RNASEH2B: variants seen among roughly 807,000 people sequenced by gnomAD.
RNASEH2B encodes the protein Aicardi-Goutieres syndrome 2 protein.
RNASEH2B carries 36 observed loss-of-function variants against 45.0 expected under a neutral mutation model. The ratio of observed to expected loss-of-function variants is 0.80; its 90% CI spans 0.61 to 1.06. The LOEUF is 1.06. Among genes scored for constraint, RNASEH2B ranks in the 50% least tolerant of loss-of-function variants. The pLI is 0.00. For synonymous variants in RNASEH2B, 119 were observed against 125.7 expected (o/e 0.95, Z 0.35); for missense variants, 361 against 360.3 (o/e 1.00, Z -0.02).
chr13:50,909,997 T>C lies in RNASEH2B; in HGVS notation c.-80T>C, dbSNP rs2137865677. The C allele has an allele frequency of 1.6e-6, 2 of 1,278,940 alleles. No homozygotes were observed. The highest frequency in any genetic ancestry group is 2.6e-5 in the Admixed American group (1 of 39,046). The allele number at this position is 1,278,940 out of a possible 1,614,324, so 79.2% of individuals were successfully genotyped here. ...GCGCCGCGCCACCCGGAACAGACCC[T>C]TCTCCCGCCATTTTCGGCGGGGCTG... On this transcript the variant is annotated 5_prime_UTR_variant, in exon 1 of 11. Transcript: ENST00000336617.
intron 5 of RNASEH2B, chr13:50,937,208 T>G (rs1396163009): frequency 7.0e-6 from 1 of 143,862 alleles, no homozygotes; most frequent in East Asian, 1.9e-4. Context: ...AGAAAAAGAT[T>G]TTTATTTTTA....
chr13:50,941,760 T>A (rs568985267), intron 5 of RNASEH2B: 4 of 152,220 alleles, frequency 2.6e-5, no homozygotes, highest in East Asian at 1.9e-4. Flanking sequence ...GCCCAGGTAG[T>A]CCTGGCTCCA....
At chr13:50,965,956 A>G (rs889253509) in intron 9 of RNASEH2B, among the ~76,000 whole-genome samples, 4 of 152,212 alleles carry the variant, frequency 2.6e-5, no homozygotes, top group African/African-American at 9.6e-5. Flanking sequence ...TTTAGCTACA[A>G]ATTATTTGGG....
At chr13:50,918,286 C>T (rs538004336) in intron 1 of RNASEH2B, among the ~76,000 whole-genome samples, 10 of 152,178 alleles carry the variant, frequency 6.6e-5, no homozygotes, top group Non-Finnish European at 1.5e-4. Flanking sequence ...TACAGGCACC[C>T]GCCACCATGC....
rs1220792885 is a variant in RNASEH2B at position 50,968,640 on chromosome 13, G to GA, written c.742-1285dup. ...AATTGCAAATTTTATTTTAAGAAAGGAAAAAAATCACATTTATTCTGCTGC... is the reference window on the plus strand; with the variant it reads ...AATTGCAAATTTTATTTTAAGAAAGGAAAAAAAATCACATTTATTCTGCTGC... On this transcript the variant is annotated intron_variant, in intron 9 of 9. Transcript: ENST00000422660. Among the ~76,000 whole-genome samples the GA allele has an allele frequency of 3.3e-5, 5 of 152,068 alleles. No individual in the cohort carries two copies. The East Asian group carries it at 5.8e-4, about 18-fold the overall frequency.
rs1452451283 is a variant in RNASEH2B at position 50,927,461 on chromosome 13, TG to T, written c.121del (p.Val41LeufsTer23). On this transcript the variant is annotated frameshift_variant, in exon 2 of 11. Transcript: ENST00000336617. LOFTEE classifies it high-confidence loss of function. ...AAAAATGGGCTAATGTTTGTAAAAC[TG>T]GTTAACCCCTGTTCAGGTAAGTTCT... ...KMKNGLMFVK[L>X]VNPCSGEGAI... The T allele has an allele frequency of 6.9e-6, 11 of 1,601,518 alleles. No individual in the cohort carries two copies. Among genetic ancestry groups the T allele is most frequent in the Non-Finnish European group, 7.7e-6 (9 of 1,168,682 alleles).
chr13:50,910,155 C>T lies in RNASEH2B; in HGVS notation c.64+15C>T, dbSNP rs1344318350. On this transcript the variant is annotated intron_variant, in intron 1 of 10. Coordinates refer to ENST00000336617, the MANE Select transcript of RNASEH2B (RefSeq NM_024570.4). Reference sequence around the variant, plus strand: ...CCTGGTTTCAGGTAAACACGCGCGCCCGGGCGGCGGGGTCGGCCCAAGAAC... The same window carrying T: ...CCTGGTTTCAGGTAAACACGCGCGCTCGGGCGGCGGGGTCGGCCCAAGAAC... 7.0e-7 allele frequency: 1 copy of T among 1,428,026 alleles called. No individual in the cohort carries two copies. Among genetic ancestry groups the T allele is most frequent in the South Asian group, 1.5e-5 (1 of 68,860 alleles). 88.5% of individuals were successfully genotyped at this position (1,428,026 alleles called of 1,614,324 possible).
chr13:50,918,279 A>G (rs1184576595), intron 1 of RNASEH2B, among the ~76,000 whole-genome samples: 4 of 152,042 alleles, frequency 2.6e-5, no homozygotes, highest in African/African-American at 9.7e-5. Flanking sequence ...CTGGGACTAC[A>G]GGCACCCGCC....
chr13:50,958,130 A>G (rs530382836), downstream of RNASEH2B, among the ~76,000 whole-genome samples: 1 of 152,218 alleles, frequency 6.6e-6, no homozygotes, highest in East Asian at 1.9e-4. Flanking sequence ...TTTTGTTGCA[A>G]TTGCTTTTGA....
Position 50,956,355 on chromosome 13 carries a change from C to G in RNASEH2B, c.823-3C>G. On this transcript the variant is annotated splice_region_variant and splice_polypyrimidine_tract_variant and intron_variant, in intron 10 of 10. Transcript: ENST00000336617. ...AATTTTTCTCTCTTATTTTCATTAACAGAAAAATAGCAAAATGACTGCAGC... is the reference window on the plus strand; with the variant it reads ...AATTTTTCTCTCTTATTTTCATTAAGAGAAAAATAGCAAAATGACTGCAGC... The G allele has an allele frequency of 6.3e-7, 1 of 1,589,840 alleles. No individual in the cohort carries two copies. Among genetic ancestry groups the G allele is most frequent in the Non-Finnish European group, 8.6e-7 (1 of 1,164,064 alleles).
At chr13:50,962,448 C>A (rs936133931) in intron 9 of RNASEH2B, among the ~76,000 whole-genome samples, 1 of 151,870 alleles carries the variant, frequency 6.6e-6, no homozygotes, top group Non-Finnish European at 1.5e-5. Flanking sequence ...TTATGTCTTT[C>A]AAGAAATGTA....
intron 8 of RNASEH2B, chr13:50,948,635 T>G (rs973970973): frequency 2.0e-5 from 3 of 152,282 alleles, no homozygotes; most frequent in Non-Finnish European, 4.4e-5. Context: ...GAAAAAGAAG[T>G]GTTAGAAGTG....
At chr13:50,926,185 C>T (rs1951592752) in intron 1 of RNASEH2B, among the ~76,000 whole-genome samples, 2 of 151,788 alleles carry the variant, frequency 1.3e-5, no homozygotes, top group Non-Finnish European at 2.9e-5. Context: ...CTTAATGTCA[C>T]TATTAGTTTA....
At chr13:50,926,728 A>G (rs1422962905) in intron 1 of RNASEH2B, among the ~76,000 whole-genome samples, 1 of 152,160 alleles carries the variant, frequency 6.6e-6, no homozygotes, top group Non-Finnish European at 1.5e-5. Flanking sequence ...AAAAAGATCA[A>G]TATGATTACA....
In RNASEH2B at chr13:50,929,557, G is replaced by T. The variant is rs1951650677; in HGVS notation, c.219G>T (p.Trp73Cys). Reference protein sequence around the residue: ...VKVFKEKHHSWFINQSVQSGG... With the variant: ...VKVFKEKHHSCFINQSVQSGG... The stretch of plus-strand genomic sequence containing the variant: ...TTTTCAAGGAAAAACACCATTCTTG[G>T]TTTATAAATCAATCAGTTCAATCAG... The change falls in exon 3 of 11, where the codon TGG becomes TGT. Residue 73 changes from tryptophan (W) to cysteine (C), a missense_variant. Trp to Cys is a radical substitution (Grantham distance 215, BLOSUM62 -2). Coordinates refer to ENST00000336617, the MANE Select transcript of RNASEH2B (RefSeq NM_024570.4). 1.2e-6 allele frequency: 2 copies of T among 1,610,974 alleles called. No homozygotes were observed. The highest frequency in any genetic ancestry group is 2.2e-5 in the East Asian group (1 of 44,848).
At chr13:50,956,028 T>C in intron 10 of RNASEH2B, 1 of 242,460 alleles carries the variant, frequency 4.1e-6, no homozygotes, top group Non-Finnish European at 8.2e-6. Context: ...CCTCTGACAA[T>C]TGCGGCCTGT....
chr13:50,923,805 G>A (rs946728608), intron 1 of RNASEH2B, among the ~76,000 whole-genome samples: 7 of 152,142 alleles, frequency 4.6e-5, no homozygotes, highest in Admixed American at 3.9e-4. Context: ...ACTCATTTGG[G>A]TGATAGATAA....
At chr13:50,953,254 A>T (rs1566090435) in intron 9 of RNASEH2B, 2 of 152,562 alleles carry the variant, frequency 1.3e-5, no homozygotes, top group South Asian at 4.1e-4. Flanking sequence ...TAAAATGTTC[A>T]TGTGAAAGGA....
At chr13:50,948,131 G>A in intron 8 of RNASEH2B, 63 bp downstream of exon 8, 1 of 1,599,872 alleles carries the variant, frequency 6.3e-7, no homozygotes, top group Non-Finnish European at 8.5e-7. Flanking sequence ...CCCCAGCAGT[G>A]GGGTTTCCTT....
Sources: allele counts gnomAD v4.1 joint callset (sites outside exome capture counted in the v4.1 genomes callset), GRCh38; gene constraint gnomAD v4.1.1; transcripts MANE v1.5; gene names NCBI Gene and HGNC (gene_info 2026-07-23, HGNC 2026-07-21).